The following CFAP299 variants were observed in gnomAD, a reference collection of about 807,000 sequenced individuals.
The protein encoded by CFAP299 is cilia and flagella associated protein 299.
CFAP299 carries 21 observed loss-of-function variants against 27.0 expected under a neutral mutation model. The observed-to-expected ratio is 0.78, with a 90% CI of 0.55 to 1.12. The LOEUF (loss-of-function observed/expected upper bound fraction) is 1.12. Ranked by LOEUF, CFAP299 falls within the 50% of genes most tolerant of loss-of-function variation. The pLI, the probability that CFAP299 is intolerant of heterozygous loss-of-function variation, is 0.00. For synonymous variants in CFAP299, 104 were observed against 98.1 expected (o/e 1.06, Z -0.36); for missense variants, 310 against 276.6 (o/e 1.12, Z -0.86).
At chr4:80,739,556 A>AT (rs1238443360) in intron 3 of CFAP299, among the ~76,000 whole-genome samples, 1 of 152,108 alleles carries the variant, frequency 6.6e-6, no homozygotes, top group African/African-American at 2.4e-5. Context: ...GCTGCCAGAC[A>AT]TATTAAAGTT....
At chr4:80,440,872 G>T (rs1481965044) in intron 2 of CFAP299, among the ~76,000 whole-genome samples, 3 of 152,204 alleles carry the variant, frequency 2.0e-5, no homozygotes, top group Admixed American at 1.3e-4. Flanking sequence ...TAAATAACCT[G>T]ATGGAGCTGA....
In CFAP299 at chr4:80,479,573, G is replaced by T. The variant is rs549645927; in HGVS notation, c.243-103520G>T. Among the ~76,000 whole-genome samples the T allele has an allele frequency of 3.3e-5, 5 of 152,054 alleles. No individual in the cohort carries two copies. In the East Asian group the frequency reaches 9.6e-4, roughly 29 times the overall value. ...ATTAATTTCAATTGTTAGGTAAAAT[G>T]AGGACATATTTCTGGTCAAAAGTGC... is the stretch of plus-strand genomic sequence containing the variant. On this transcript the variant is annotated intron_variant, in intron 2 of 5. Transcript: ENST00000358105.
At chr4:80,496,176 A>C (rs1167417329) in intron 2 of CFAP299, among the ~76,000 whole-genome samples, 1 of 151,924 alleles carries the variant, frequency 6.6e-6, no homozygotes, top group Non-Finnish European at 1.5e-5. Flanking sequence ...TCTCTACCAC[A>C]TGGCCAGGCT....
chr4:80,327,689 G>GA, the CFAP299 span, among the ~76,000 whole-genome samples: 1 of 17,130 alleles, frequency 5.8e-5, no homozygotes, highest in African/African-American at 1.6e-4. Flanking sequence ...ATAGAGAGAA[G>GA]TTATATATAT....
At chr4:80,776,304 C>T (rs1726536886) in intron 3 of CFAP299, among the ~76,000 whole-genome samples, 1 of 152,120 alleles carries the variant, frequency 6.6e-6, no homozygotes, top group African/African-American at 2.4e-5. Context: ...GGTTGCTCCA[C>T]TTCTTCTTGG....
intron 2 of CFAP299, among the ~76,000 whole-genome samples, chr4:80,460,919 C>A (rs1350692379): frequency 6.6e-6 from 1 of 152,094 alleles, no homozygotes; most frequent in East Asian, 1.9e-4. Flanking sequence ...ACAATATGTG[C>A]CCAAGGTGGT....
chr4:80,807,159 C>A (rs1578144448), intron 3 of CFAP299, among the ~76,000 whole-genome samples: 1 of 151,750 alleles, frequency 6.6e-6, no homozygotes, highest in Admixed American at 6.6e-5. Flanking sequence ...AATATATAAA[C>A]TTATTAAGGA....
At chr4:80,800,200 TATA>T (rs1196121435) in intron 3 of CFAP299, among the ~76,000 whole-genome samples, 1 of 72,900 alleles carries the variant, frequency 1.4e-5, no homozygotes, top group Non-Finnish European at 2.3e-5. Context: ...TACTATATAA[TATA>T]ATATATAATA....
chr4:80,701,060 T>C (rs1721444849), intron 3 of CFAP299, among the ~76,000 whole-genome samples: 1 of 152,064 alleles, frequency 6.6e-6, no homozygotes, highest in African/African-American at 2.4e-5. Flanking sequence ...AACCAAGTAC[T>C]GTCTGGTACC....
At chr4:80,734,370 C>T (rs1004346273) in intron 3 of CFAP299, among the ~76,000 whole-genome samples, 24 of 151,948 alleles carry the variant, frequency 1.6e-4, no homozygotes, top group African/African-American at 4.4e-4. Context: ...TTATTAATCA[C>T]TTGTCAGATG....
rs115402438 is a variant in CFAP299 at position 80,388,500 on chromosome 4, G to A, written c.242+25616G>A. On this transcript the variant is annotated intron_variant, in intron 2 of 5. Coordinates refer to ENST00000358105, the MANE Select transcript of CFAP299 (RefSeq NM_152770.3). ...GGGGCATTTCTTTGGCACTGTTCCC[G>A]CTTGTGGGTCATAAACACTGGCAGC... is the stretch of plus-strand genomic sequence containing the variant. 614 of 1,399,250 alleles carry A rather than the reference G, an allele frequency of 4.4e-4. 4 individuals carry two copies. In the African/African-American group the frequency reaches 7.5e-3, roughly 17 times the overall value. 86.7% of individuals were successfully genotyped at this position (1,399,250 alleles called of 1,614,324 possible).
At chr4:80,483,776 A>G (rs1730680969) in intron 2 of CFAP299, among the ~76,000 whole-genome samples, 1 of 152,136 alleles carries the variant, frequency 6.6e-6, no homozygotes, top group Admixed American at 6.5e-5. Context: ...AGACCTTTCA[A>G]TTTTTGTTGT....
chr4:80,436,029 T>C (rs1176148097), intron 2 of CFAP299, among the ~76,000 whole-genome samples: 1 of 152,202 alleles, frequency 6.6e-6, no homozygotes, highest in African/African-American at 2.4e-5. Context: ...GTTTCCTCTC[T>C]GTGGAGGTGA....
chr4:80,476,960 C>CGTGTGTGT (rs34671713), intron 2 of CFAP299, among the ~76,000 whole-genome samples: 1 of 106,568 alleles, frequency 9.4e-6, no homozygotes, highest in Non-Finnish European at 2.2e-5. Flanking sequence ...TGTGCGCATG[C>CGTGTGTGT]GTGTGTGTGT....
intron 2 of CFAP299, among the ~76,000 whole-genome samples, chr4:80,568,088 A>G (rs1735400016): frequency 6.6e-6 from 1 of 151,868 alleles, no homozygotes; most frequent in Non-Finnish European, 1.5e-5. Context: ...AAACAATAAT[A>G]AAAGTTTGTT....
intron 3 of CFAP299, chr4:80,608,343 A>G (rs777456705): frequency 2.5e-5 from 38 of 1,530,766 alleles, no homozygotes; most frequent in Non-Finnish European, 3.0e-5. Flanking sequence ...CTAAATCAAC[A>G]GGAGACTGAT....
In CFAP299 at chr4:80,560,343, C is replaced by T. The variant is rs923705703; in HGVS notation, c.243-22750C>T. ...GTACTATGTCAAGGGCCTTGGTGAGCCTCTAGACTTGCTGGCTTCAGGTGA... is the reference window on the plus strand; with the variant it reads ...GTACTATGTCAAGGGCCTTGGTGAGTCTCTAGACTTGCTGGCTTCAGGTGA... On this transcript the variant is annotated intron_variant, in intron 2 of 5. Coordinates refer to ENST00000358105, the MANE Select transcript of CFAP299 (RefSeq NM_152770.3). 5.5e-4 allele frequency among the ~76,000 whole-genome samples: 84 copies of T among 152,044 alleles called. 1 individual carries two copies. Among genetic ancestry groups the T allele is most frequent in the Non-Finnish European group, 1.8e-4 (12 of 68,006 alleles).
intron 2 of CFAP299, among the ~76,000 whole-genome samples, chr4:80,409,823 G>GA (rs35386257): frequency 2.0e-5 from 3 of 151,934 alleles, no homozygotes; most frequent in Admixed American, 6.6e-5. Context: ...TATATTTTTG[G>GA]AAAAAAAGGG....
chr4:80,835,666 G>A (rs1730525124), intron 3 of CFAP299, among the ~76,000 whole-genome samples: 1 of 152,000 alleles, frequency 6.6e-6, no homozygotes, highest in African/African-American at 2.4e-5. Context: ...TTATCCAGAT[G>A]GGCCCCAAAT....
Sources: allele counts gnomAD v4.1 joint callset (sites outside exome capture counted in the v4.1 genomes callset), GRCh38; gene constraint gnomAD v4.1.1; transcripts MANE v1.5; gene names NCBI Gene and HGNC (gene_info 2026-07-23, HGNC 2026-07-21).